The following CLPX variants were observed in gnomAD, a reference collection of about 807,000 sequenced individuals.
CLPX encodes the protein ATP-dependent clpX-like chaperone, mitochondrial.
Under a neutral mutation model 76.4 loss-of-function variants are expected in CLPX, and 34 were observed. The ratio of observed to expected loss-of-function variants is 0.45; its 90% CI spans 0.34 to 0.59. CLPX has a LOEUF of 0.59. Ranked by LOEUF, CLPX falls within the 20% of genes least tolerant of loss-of-function variation. The probability of loss-of-function intolerance (pLI) is 0.01; values close to 1 mark genes in which losing one functional copy is unlikely to be tolerated. For synonymous variants in CLPX, 248 were observed against 270.9 expected (o/e 0.92, Z 0.83); for missense variants, 613 against 757.0 (o/e 0.81, Z 2.23).
rs191436146 is a variant in CLPX, at chr15:65,176,995, T to C, written c.358+1939A>G. On this transcript the variant is annotated intron_variant, in intron 3 of 13. Transcript: ENST00000300107. ...AAATATAAGACACTGACCTTATAAA[T>C]TGAACAATTTTCAGCCTCTGTATAA... Among the ~76,000 whole-genome samples the C allele has an allele frequency of 9.5e-4, 145 of 152,296 alleles. 2 individuals are homozygous for C. Among genetic ancestry groups the C allele is most frequent in the African/African-American group, 3.1e-3 (130 of 41,576 alleles).
At chr15:65,183,068 G>A (rs1595949606) in intron 1 of CLPX, among the ~76,000 whole-genome samples, 1 of 151,866 alleles carries the variant, frequency 6.6e-6, no homozygotes, top group East Asian at 1.9e-4. Flanking sequence ...GGAGGCTGAG[G>A]CAGAAGAATT....
At chr15:65,180,350 G>A (rs567535955) in intron 1 of CLPX, 146 bp from the exon 2 acceptor site, 4 of 519,264 alleles carry the variant, frequency 7.7e-6, no homozygotes, top group Admixed American at 7.5e-5. Context: ...TGACACCAAC[G>A]GAGGCAAAGT....
intron 1 of CLPX, among the ~76,000 whole-genome samples, chr15:65,183,470 AAAAAAAAAAAAAG>A (rs2088207342): frequency 6.7e-6 from 1 of 150,346 alleles, no homozygotes; most frequent in Non-Finnish European, 1.5e-5. Context: ...CAAAAAAAAA[AAAAAAAAAAAAAG>A]AAAGAAAATA....
At position 65,152,904 on chromosome 15, in the gene CLPX, T is replaced by G. The variant is rs531335465; in HGVS notation, c.1705-368A>C. Reference sequence around the variant, plus strand: ...GAGCCACCATGCCCAGCCTCTTTTTTTTTGTTTGTTTGTTTGTTTGTTTGT... The same window carrying G: ...GAGCCACCATGCCCAGCCTCTTTTTGTTTGTTTGTTTGTTTGTTTGTTTGT... On this transcript the variant is annotated intron_variant, in intron 12 of 13. Transcript: ENST00000300107. 1.8e-3 allele frequency among the ~76,000 whole-genome samples: 275 copies of G among 150,694 alleles called. 2 individuals carry two copies. Among genetic ancestry groups the G allele is most frequent in the South Asian group, 0.016 (76 of 4,796 alleles).
At chr15:65,162,353 C>A (rs1300980789) in intron 6 of CLPX, among the ~76,000 whole-genome samples, 1 of 152,132 alleles carries the variant, frequency 6.6e-6, no homozygotes, top group Non-Finnish European at 1.5e-5. Flanking sequence ...AAGAAGCAGG[C>A]CAACTCTAAT....
chr15:65,173,365 C>CAAA (rs35763100), intron 3 of CLPX, among the ~76,000 whole-genome samples: 184 of 48,470 alleles, frequency 3.8e-3, no homozygotes, highest in Non-Finnish European at 4.7e-3. Context: ...GACTCTGTCT[C>CAAA]AAAAAAAAAA....
intron 4 of CLPX, among the ~76,000 whole-genome samples, chr15:65,164,747 A>G (rs994239661): frequency 2.0e-5 from 3 of 151,834 alleles, no homozygotes; most frequent in African/African-American, 7.3e-5. Context: ...GACTCTAAAA[A>G]CTGTATTCTT....
In CLPX at chr15:65,154,935, A is replaced by AT; in HGVS notation, c.1457dup (p.Asp486GlufsTer4). ...CAGGAATCATGCCAAACTCAATCAG[A>AT]TCTCTGGCTTCCACATGACGCAATA... On this transcript the variant is annotated frameshift_variant, in exon 11 of 14. Coordinates refer to ENST00000300107, the MANE Select transcript of CLPX (RefSeq NM_006660.5). LOFTEE classifies it high-confidence loss of function. 6.2e-7 allele frequency: 1 copy of AT among 1,614,074 alleles called. No homozygotes were observed. The highest frequency in any genetic ancestry group is 1.1e-5 in the South Asian group (1 of 91,070).
intron 5 of CLPX, among the ~76,000 whole-genome samples, 174 bp from the exon 6 acceptor site, chr15:65,162,819 C>T (rs990017698): frequency 6.6e-6 from 1 of 152,080 alleles, no homozygotes; most frequent in Non-Finnish European, 1.5e-5. Context: ...GCATAAAGAC[C>T]GCTGTCCAGT....
At chr15:65,152,608 A>T in intron 12 of CLPX, 72 bp from the exon 13 acceptor site, 1 of 637,218 alleles carries the variant, frequency 1.6e-6, no homozygotes, top group Non-Finnish European at 2.4e-6. Context: ...TATAAATCAC[A>T]AATTGGAATC....
chr15:65,178,150 G>C (rs771281272), intron 3 of CLPX, among the ~76,000 whole-genome samples: 7 of 152,074 alleles, frequency 4.6e-5, no homozygotes, highest in Non-Finnish European at 7.3e-5. Context: ...ATGCTTCCCG[G>C]AATTGAGGGC....
chr15:65,185,258 G>A lies in CLPX; in HGVS notation c.-105C>T, dbSNP rs559580224. ...CTGACTCGGTTCCGAACCCTTTCGC[G>A]GGCCCTAGACCCCGTGGAGAGTTCA... is the stretch of plus-strand genomic sequence containing the variant. On this transcript the variant is annotated 5_prime_UTR_variant, in exon 1 of 14. Coordinates refer to ENST00000300107, the MANE Select transcript of CLPX (RefSeq NM_006660.5). 2.2e-6 allele frequency: 2 copies of A among 928,234 alleles called. No homozygotes were observed. Among genetic ancestry groups the A allele is most frequent in the African/African-American group, 1.6e-5 (1 of 61,088 alleles). The allele number at this position is 928,234 out of a possible 1,614,324, so 57.5% of individuals were successfully genotyped here. A position where few individuals can be genotyped will look rare whatever the true frequency, so the allele number is the denominator to read the frequency against.
chr15:65,164,385 G>T (rs56260739), intron 4 of CLPX, among the ~76,000 whole-genome samples, 197 bp from the exon 5 acceptor site: 2,722 of 152,250 alleles, frequency 0.018, 40 homozygotes, highest in Non-Finnish European at 0.027. Context: ...CAATTCATTT[G>T]TTCTCTAGCT....
intron 4 of CLPX, among the ~76,000 whole-genome samples, chr15:65,165,543 C>T (rs1023153662): frequency 6.6e-6 from 1 of 151,860 alleles, no homozygotes; most frequent in Non-Finnish European, 1.5e-5. Context: ...GCCACCACGC[C>T]GGGCTAATTT....
At chr15:65,166,564 T>C in intron 4 of CLPX, 67 bp downstream of exon 4, 1 of 1,509,504 alleles carries the variant, frequency 6.6e-7, no homozygotes, top group Non-Finnish European at 9.2e-7. Context: ...AGTGTAAACT[T>C]GGGAGAGGGA....
intron 9 of CLPX, 79 bp from the exon 10 acceptor site, chr15:65,155,935 G>T: frequency 8.0e-7 from 1 of 1,250,120 alleles, no homozygotes; most frequent in Non-Finnish European, 1.1e-6. Flanking sequence ...GGATTAAATG[G>T]GGAAAACAAT....
Position 65,185,073 on chromosome 15 carries a change from AC to A in CLPX, c.79+1del. 1 of 1,546,340 alleles carries A rather than the reference AC, an allele frequency of 6.5e-7. No homozygotes were observed. The highest frequency in any genetic ancestry group is 8.7e-7 in the Non-Finnish European group (1 of 1,146,314). The stretch of plus-strand genomic sequence containing the variant: ...GGCTCAGGAGTGGCACTATTTCGTT[AC>A]CTCTCTGCGCGGAGGCGAGTGAGGA... On this transcript the variant is annotated splice_donor_variant, in intron 1 of 13. Transcript: ENST00000300107. LOFTEE classifies it high-confidence loss of function.
chr15:65,177,791 C>G (rs1355203793), intron 3 of CLPX, among the ~76,000 whole-genome samples: 1 of 152,046 alleles, frequency 6.6e-6, no homozygotes, highest in African/African-American at 2.4e-5. Flanking sequence ...AAGTAGGATA[C>G]ATGATTTTTT....
At chr15:65,179,267 C>T (rs986395395) in intron 2 of CLPX, among the ~76,000 whole-genome samples, 4 of 152,104 alleles carry the variant, frequency 2.6e-5, no homozygotes, top group Non-Finnish European at 4.4e-5. Context: ...TATCTGCAGT[C>T]CTCCTTTGTA....
Sources: gnomAD v4.1 joint callset for allele counts (sites outside exome capture counted in the v4.1 genomes callset) on GRCh38, gnomAD v4.1.1 for gene constraint, MANE v1.5 for transcripts, NCBI Gene and HGNC (gene_info 2026-07-23, HGNC 2026-07-21) for gene names.